The following KCND2 variants were observed in gnomAD, a reference collection of about 807,000 sequenced individuals.
KCND2 encodes A-type voltage-gated potassium channel KCND2.
In KCND2, 16 loss-of-function variants were observed where a neutral mutation model predicts 54.4. That is an observed-to-expected ratio of 0.29 (90% CI 0.20 to 0.45). KCND2 has a LOEUF of 0.45. Ranked by LOEUF, KCND2 falls within the 20% of genes least tolerant of loss-of-function variation. KCND2 has a pLI of 1.00. For missense variants in KCND2, 486 were observed against 824.2 expected, an observed-to-expected ratio of 0.59 and a Z score of 5.02; for synonymous variants, 317 against 310.7, an observed-to-expected ratio of 1.02 and a Z score of -0.21.
intron 1 of KCND2, among the ~76,000 whole-genome samples, chr7:120,644,806 A>C (rs915360982): frequency 1.3e-5 from 2 of 152,244 alleles, no homozygotes; most frequent in African/African-American, 4.8e-5. Context: ...TTGTGTGTCT[A>C]GTATTTATCT....
chr7:120,582,541 T>G (rs1792530487), intron 1 of KCND2, among the ~76,000 whole-genome samples: 1 of 152,084 alleles, frequency 6.6e-6, no homozygotes, highest in Non-Finnish European at 1.5e-5. Context: ...CACCTTAGAT[T>G]GGTGTAGAAT....
intron 1 of KCND2, among the ~76,000 whole-genome samples, chr7:120,597,556 T>C (rs912876572): frequency 1.3e-5 from 2 of 152,162 alleles, no homozygotes; most frequent in Admixed American, 6.5e-5. Flanking sequence ...CTTAATGAAA[T>C]TCTGAATGGC....
chr7:120,646,151 T>C (rs1793439705), intron 1 of KCND2, among the ~76,000 whole-genome samples: 1 of 152,218 alleles, frequency 6.6e-6, no homozygotes, highest in African/African-American at 2.4e-5. Flanking sequence ...TCCCAAGATT[T>C]CCTTCCCACA....
chr7:120,622,713 T>TCA lies in KCND2; in HGVS notation c.1116-110189_1116-110188insAC, dbSNP rs1229278377. 8.4e-3 allele frequency among the ~76,000 whole-genome samples: 1,113 copies of TCA among 133,204 alleles called. 18 individuals are homozygous for TCA. Among genetic ancestry groups the TCA allele is most frequent in the African/African-American group, 0.029 (1,043 of 36,534 alleles). The allele number at this position is 133,204 out of a possible 152,430, so 87.4% of individuals were successfully genotyped here. The stretch of plus-strand genomic sequence containing the variant: ...CACTCTCTCTCTCTCTCTCTCTCTC[T>TCA]CTCACACACACACACACACACACAA... On this transcript the variant is annotated intron_variant, in intron 1 of 5. Coordinates refer to ENST00000331113, the MANE Select transcript of KCND2 (RefSeq NM_012281.3).
chr7:120,704,367 T>G (rs1479645347), intron 1 of KCND2, among the ~76,000 whole-genome samples: 2 of 152,152 alleles, frequency 1.3e-5, no homozygotes, highest in African/African-American at 4.8e-5. Flanking sequence ...CAGACTTAAA[T>G]AAATCTTCTA....
chr7:120,698,810 A>G (rs948920949), intron 1 of KCND2, among the ~76,000 whole-genome samples: 2 of 152,234 alleles, frequency 1.3e-5, no homozygotes, highest in South Asian at 2.1e-4. Flanking sequence ...CCAATAAATC[A>G]GCTGTGTTCT....
intron 1 of KCND2, among the ~76,000 whole-genome samples, chr7:120,646,473 T>C (rs1793443599): frequency 6.6e-6 from 1 of 152,230 alleles, no homozygotes; most frequent in Non-Finnish European, 1.5e-5. Flanking sequence ...TCTTTCAATT[T>C]TGTTTATGGT....
chr7:120,563,462 C>A (rs1792259949), intron 1 of KCND2, among the ~76,000 whole-genome samples: 2 of 152,144 alleles, frequency 1.3e-5, no homozygotes, highest in South Asian at 4.1e-4. Context: ...TTTGAGTTAT[C>A]ATTTTCTTTA....
intron 1 of KCND2, among the ~76,000 whole-genome samples, chr7:120,335,468 C>T (rs201848665): frequency 0.037 from 4,069 of 110,580 alleles, 95 homozygotes; most frequent in South Asian, 0.11. Flanking sequence ...TACTTACTTA[C>T]TTATTTATTT....
At chr7:120,603,411 T>C (rs985109542) in intron 1 of KCND2, among the ~76,000 whole-genome samples, 3 of 152,186 alleles carry the variant, frequency 2.0e-5, no homozygotes, top group African/African-American at 4.8e-5. Context: ...ACCATTTCTG[T>C]AAGTTGGGCT....
intron 1 of KCND2, among the ~76,000 whole-genome samples, chr7:120,648,198 A>G (rs953837381): frequency 6.6e-6 from 1 of 152,176 alleles, no homozygotes; most frequent in Non-Finnish European, 1.5e-5. Context: ...CATAGTAGAG[A>G]CAAAATAAAT....
At chr7:120,463,948 C>T (rs1861062) in intron 1 of KCND2, 63,189 of 391,828 alleles carry the variant, frequency 0.16, 7,873 homozygotes, top group East Asian at 0.57. Context: ...GATAGATCGA[C>T]AGATGGATAG....
chr7:120,561,436 T>A (rs1322607115), intron 1 of KCND2, among the ~76,000 whole-genome samples: 1 of 152,004 alleles, frequency 6.6e-6, no homozygotes, highest in East Asian at 1.9e-4. Context: ...TCAAAACTAA[T>A]CCTCAAACCA....
chr7:120,519,978 AT>A (rs1791667465), intron 1 of KCND2, among the ~76,000 whole-genome samples: 1 of 152,086 alleles, frequency 6.6e-6, no homozygotes, highest in South Asian at 2.1e-4. Context: ...AATTATCCTA[AT>A]TATTAAATAT....
At chr7:120,711,818 G>T (rs189762334) in intron 1 of KCND2, among the ~76,000 whole-genome samples, 34 of 151,932 alleles carry the variant, frequency 2.2e-4, no homozygotes, top group African/African-American at 7.5e-4. Context: ...TTAATGTAAG[G>T]GTTCACCAAA....
intron 1 of KCND2, among the ~76,000 whole-genome samples, chr7:120,535,175 T>C (rs542259689): frequency 2.0e-5 from 3 of 152,318 alleles, no homozygotes; most frequent in African/African-American, 7.2e-5. Context: ...AAAGCATGAC[T>C]TACTTCCATC....
chr7:120,707,679 G>T (rs904957668), intron 1 of KCND2, among the ~76,000 whole-genome samples: 3 of 152,052 alleles, frequency 2.0e-5, no homozygotes, highest in East Asian at 1.9e-4. Flanking sequence ...TCTGGTTGGG[G>T]TGCATGACAG....
intron 1 of KCND2, among the ~76,000 whole-genome samples, chr7:120,461,777 T>C (rs2116240540): frequency 6.6e-6 from 1 of 152,322 alleles, no homozygotes; most frequent in Admixed American, 6.5e-5. Flanking sequence ...TGTTCCCATT[T>C]AATTCTGCTT....
chr7:120,515,424 A>T (rs1803181808), intron 1 of KCND2, among the ~76,000 whole-genome samples: 1 of 152,164 alleles, frequency 6.6e-6, no homozygotes, highest in South Asian at 2.1e-4. Flanking sequence ...GTTTAAATAC[A>T]TGTGAAAAGG....
Sources: allele counts gnomAD v4.1 joint callset (sites outside exome capture counted in the v4.1 genomes callset), GRCh38; gene constraint gnomAD v4.1.1; transcripts MANE v1.5; gene names NCBI Gene and HGNC (gene_info 2026-07-23, HGNC 2026-07-21).